ZNF600: variants seen among roughly 807,000 people sequenced by gnomAD.
ZNF600 encodes the protein zinc finger protein 600.
A neutral mutation model predicts 7.3 loss-of-function variants in ZNF600; 4 were observed. The observed-to-expected ratio is 0.55, with a 90% CI of 0.27 to 1.25. ZNF600 has a LOEUF of 1.25. ZNF600 is among the 50% of genes most tolerant of loss of function. The pLI, the probability that ZNF600 is intolerant of heterozygous loss-of-function variation, is 0.12. For synonymous variants in ZNF600, 290 were observed against 308.9 expected (o/e 0.94, Z 0.64); for missense variants, 911 against 922.1 (o/e 0.99, Z 0.16).
At chr19:52,810,053 A>G in the ZNF600 span, 3 of 741,242 alleles carry the variant, frequency 4.0e-6, no homozygotes, top group Admixed American at 4.0e-5. Context: ...CCCGCGCCCC[A>G]TGCCTGGGAG....
At chr19:52,825,660 TC>T in the ZNF600 span, among the ~76,000 whole-genome samples, 1 of 152,068 alleles carries the variant, frequency 6.6e-6, no homozygotes, top group South Asian at 2.1e-4. Context: ...GACACCGGTC[TC>T]ACAAAACATA....
chr19:52,771,711 G>C (rs1214560670), intron 3 of ZNF600, among the ~76,000 whole-genome samples: 8 of 152,116 alleles, frequency 5.3e-5, no homozygotes, highest in Non-Finnish European at 8.8e-5. Context: ...ATTCTGACCT[G>C]AGGTGATCCA....
chr19:52,784,734 CT>C (rs1438445397), intron 1 of ZNF600, among the ~76,000 whole-genome samples: 3 of 152,162 alleles, frequency 2.0e-5, no homozygotes, highest in Admixed American at 2.0e-4. Context: ...GTCCCCCACC[CT>C]TTTTTTCTTT....
chr19:52,833,178 T>G, the ZNF600 span, among the ~76,000 whole-genome samples: 3 of 152,184 alleles, frequency 2.0e-5, no homozygotes, highest in Non-Finnish European at 2.9e-5. Context: ...CTGTGCACAT[T>G]AATGTATGTA....
chr19:52,810,850 TCTCCCTCTCCCCCTCCCCCTCCCC>T, the ZNF600 span: 8 of 110,282 alleles, frequency 7.3e-5, no homozygotes, highest in South Asian at 2.9e-4. Context: ...TCCCTCTCCC[TCTCCCTCTCCCCCTCCCCCTCCCC>T]CTCCCCCTCC....
exon 1 of ZNF600, chr19:52,786,672 G>T: frequency 4.4e-6 from 1 of 227,894 alleles, no homozygotes; most frequent in Admixed American, 4.0e-5. Flanking sequence ...ACGTCCCAGG[G>T]GCAGAAGCGC....
At chr19:52,827,180 C>T in the ZNF600 span, among the ~76,000 whole-genome samples, 1 of 149,134 alleles carries the variant, frequency 6.7e-6, no homozygotes, top group Non-Finnish European at 1.5e-5. Flanking sequence ...GAGTTCGAGG[C>T]TGCTATAAAC....
chr19:52,787,177 G>A (rs755882885), upstream of ZNF600, among the ~76,000 whole-genome samples: 2 of 152,290 alleles, frequency 1.3e-5, no homozygotes, highest in East Asian at 1.9e-4. Flanking sequence ...TAGGGCCTCC[G>A]CCTGGGATGC....
chr19:52,827,078 T>C, the ZNF600 span, among the ~76,000 whole-genome samples: 3 of 151,498 alleles, frequency 2.0e-5, no homozygotes, highest in African/African-American at 7.3e-5. Context: ...CATAGCCACA[T>C]AATAAAAAAT....
chr19:52,812,737 G>A, the ZNF600 span, among the ~76,000 whole-genome samples: 1 of 109,116 alleles, frequency 9.2e-6, no homozygotes, highest in African/African-American at 3.9e-5. Flanking sequence ...ATCCCCCTCT[G>A]CGAGAAACAC....
the ZNF600 span, among the ~76,000 whole-genome samples, chr19:52,819,182 G>A: frequency 7.3e-6 from 1 of 137,780 alleles, no homozygotes; most frequent in Admixed American, 7.5e-5. Context: ...CCCAGGAGGA[G>A]GCTGGACACT....
At chr19:52,808,089 C>T in the ZNF600 span, 7 of 1,613,482 alleles carry the variant, frequency 4.3e-6, no homozygotes, top group South Asian at 1.1e-5. Context: ...ATTTCCACTC[C>T]TCCTGAGAGA....
At chr19:52,830,554 G>A in the ZNF600 span, among the ~76,000 whole-genome samples, 15 of 152,148 alleles carry the variant, frequency 9.9e-5, no homozygotes, top group African/African-American at 3.6e-4. Flanking sequence ...GGACACAAGC[G>A]CTGAGCTGCG....
the ZNF600 span, among the ~76,000 whole-genome samples, chr19:52,818,629 C>T: frequency 3.2e-4 from 48 of 152,058 alleles, no homozygotes; most frequent in Admixed American, 5.2e-4. Context: ...ATTGCTTGAA[C>T]CTGGAAGGTG....
At chr19:52,767,063 T>C (rs755676931) in exon 4 of ZNF600, 1 of 1,614,164 alleles carries the variant, frequency 6.2e-7, no homozygotes, top group African/African-American at 1.3e-5. Flanking sequence ...ATGTAAGGGA[T>C]GATACCTGAC....
At chr19:52,788,709 C>T (rs2062784273), upstream of ZNF600, among the ~76,000 whole-genome samples, 1 of 152,158 alleles carries the variant, frequency 6.6e-6, no homozygotes, top group African/African-American at 2.4e-5. Flanking sequence ...CAGAGCACAG[C>T]CCCCTCACCT....
At position 52,766,105 on chromosome 19, in the gene ZNF600, C is replaced by A. The variant is rs1204010475; in HGVS notation, c.1858G>T (p.Glu620Ter). 1 of 1,614,126 alleles carries A rather than the reference C, an allele frequency of 6.2e-7. No homozygotes were observed. The highest frequency in any genetic ancestry group is 1.7e-5 in the Admixed American group (1 of 60,030). ...CACTCATTACACTTGTAAGGTTTCT[C>A]ACCACTATGAAGTCTACGATGGCAA... Residue 620 changes from glutamate (E) to a stop codon, truncating the protein, a stop_gained, in exon 4 of 4, where the codon GAG becomes TAG. Coordinates refer to ENST00000648973, the Ensembl canonical transcript of ZNF600. LOFTEE classifies it low-confidence loss of function (END_TRUNC).
In ZNF600 at chr19:52,767,276, T is replaced by C. The variant is rs2062592642; in HGVS notation, c.687A>G (p.Lys229=). Residue 229 remains lysine, a synonymous_variant, in exon 4 of 4, where the codon AAA becomes AAG. Coordinates refer to ENST00000648973, the Ensembl canonical transcript of ZNF600. ...TGCCACTCTCATTACATTGGAAAGATTTTTCTCTCATGTATACTTCCTGTT... is the reference window on the plus strand; with the variant it reads ...TGCCACTCTCATTACATTGGAAAGACTTTTCTCTCATGTATACTTCCTGTT... 12 of 1,614,196 alleles carry C rather than the reference T, an allele frequency of 7.4e-6. No homozygotes were observed. The East Asian group carries it at 2.7e-4, about 36-fold the overall frequency.
the ZNF600 span, chr19:52,810,729 G>T: frequency 3.1e-6 from 2 of 639,044 alleles, no homozygotes; most frequent in African/African-American, 2.0e-5. Context: ...TATTAGGAGA[G>T]AGAGGAAAAA....
Sources: gnomAD v4.1 joint callset for allele counts (sites outside exome capture counted in the v4.1 genomes callset) on GRCh38, gnomAD v4.1.1 for gene constraint, MANE v1.5 for transcripts, NCBI Gene and HGNC (gene_info 2026-07-23, HGNC 2026-07-21) for gene names.